Variants in DYNC1I1 observed in about 807,000 individuals in gnomAD.
DYNC1I1 encodes cytoplasmic dynein 1 intermediate chain 1.
In DYNC1I1, 43 loss-of-function variants were observed where a neutral mutation model predicts 86.6. That is an observed-to-expected ratio of 0.50 (90% CI 0.39 to 0.64). DYNC1I1 has a LOEUF of 0.64. Ranked by LOEUF, DYNC1I1 falls within the 30% of genes least tolerant of loss-of-function variation. The pLI is 0.00. For missense variants in DYNC1I1, 604 were observed against 788.8 expected (o/e 0.77, Z 2.81); for synonymous variants, 262 against 283.7 (o/e 0.92, Z 0.77).
intron 6 of DYNC1I1, among the ~76,000 whole-genome samples, chr7:95,875,787 T>A (rs1790294404): frequency 6.6e-6 from 1 of 152,170 alleles, no homozygotes; most frequent in Admixed American, 6.5e-5. Flanking sequence ...ACTTGTGATT[T>A]GTTCTTTTGG....
intron 16 of DYNC1I1, among the ~76,000 whole-genome samples, chr7:96,103,463 C>A (rs1025883141): frequency 3.3e-5 from 5 of 152,176 alleles, no homozygotes; most frequent in Admixed American, 2.0e-4. Context: ...CTCCCTGTGT[C>A]CACCTTTGAC....
rs527703605 is a variant in DYNC1I1, at chr7:95,981,633, A to C, written c.581-3182A>C. On this transcript the variant is annotated intron_variant, in intron 7 of 16. Coordinates refer to ENST00000447467, the MANE Select transcript of DYNC1I1 (RefSeq NM_001135556.2). ...TTCTACTTTTCATAGTGTAGAATCT[A>C]CTTCTTCTTAAAGAGCTCTTTAAAT... 3.9e-5 allele frequency among the ~76,000 whole-genome samples: 6 copies of C among 152,238 alleles called. No homozygotes were observed. The South Asian group carries it at 1.2e-3, about 32-fold the overall frequency.
chr7:95,875,157 G>A (rs1211296753), intron 6 of DYNC1I1, among the ~76,000 whole-genome samples: 2 of 152,170 alleles, frequency 1.3e-5, no homozygotes, highest in African/African-American at 2.4e-5. Flanking sequence ...AATGTTTGGG[G>A]ATGCTATGAC....
chr7:95,785,908 A>G (rs967599175), intron 1 of DYNC1I1, among the ~76,000 whole-genome samples: 3 of 150,556 alleles, frequency 2.0e-5, no homozygotes, highest in East Asian at 2.0e-4. Flanking sequence ...CAAAGAATGT[A>G]TGTATTGCAA....
intron 16 of DYNC1I1, among the ~76,000 whole-genome samples, chr7:96,107,758 C>G (rs1205720864): frequency 2.0e-5 from 3 of 151,806 alleles, no homozygotes; most frequent in African/African-American, 7.3e-5. Flanking sequence ...GAACTCCTGA[C>G]CTCGTGATCC....
chr7:95,791,451 A>T (rs1000597864), intron 1 of DYNC1I1, among the ~76,000 whole-genome samples: 3 of 152,210 alleles, frequency 2.0e-5, no homozygotes, highest in Non-Finnish European at 4.4e-5. Context: ...TATTTTAAAG[A>T]TCAGTCTGCC....
intron 13 of DYNC1I1, among the ~76,000 whole-genome samples, chr7:96,038,049 A>T (rs888909895): frequency 1.3e-5 from 2 of 152,190 alleles, no homozygotes; most frequent in East Asian, 3.9e-4. Flanking sequence ...ACCAGGGGCC[A>T]CTTCAAAGAT....
intron 6 of DYNC1I1, among the ~76,000 whole-genome samples, chr7:95,955,252 ACT>A (rs1318374302): frequency 3.3e-5 from 5 of 152,076 alleles, no homozygotes; most frequent in Non-Finnish European, 7.4e-5. Flanking sequence ...AAAAATACAC[ACT>A]TTGTCATTTT....
At chr7:95,841,736 T>C (rs1789288116) in intron 5 of DYNC1I1, among the ~76,000 whole-genome samples, 1 of 152,224 alleles carries the variant, frequency 6.6e-6, no homozygotes, top group East Asian at 1.9e-4. Flanking sequence ...AGTAATTGCC[T>C]GCCCTGTTGA....
chr7:95,936,278 G>A (rs1304809247), intron 6 of DYNC1I1, among the ~76,000 whole-genome samples: 1 of 151,966 alleles, frequency 6.6e-6, no homozygotes, highest in Non-Finnish European at 1.5e-5. Context: ...GAAAATAATT[G>A]GGAAAACTAA....
chr7:95,966,789 A>G (rs977442802), intron 6 of DYNC1I1, among the ~76,000 whole-genome samples: 16 of 152,220 alleles, frequency 1.1e-4, no homozygotes, highest in Admixed American at 6.5e-5. Flanking sequence ...ACATCTTACC[A>G]CACAATATGT....
chr7:96,003,729 G>T (rs1794073013), intron 10 of DYNC1I1, among the ~76,000 whole-genome samples: 2 of 152,130 alleles, frequency 1.3e-5, no homozygotes, highest in African/African-American at 4.8e-5. Flanking sequence ...CCCCAGGCCA[G>T]ATGAGTCCCC....
chr7:95,951,580 T>C (rs1379786476), intron 6 of DYNC1I1, among the ~76,000 whole-genome samples: 1 of 152,224 alleles, frequency 6.6e-6, no homozygotes, highest in Non-Finnish European at 1.5e-5. Context: ...CTATTACAGA[T>C]TAAGATTAAA....
chr7:96,075,782 G>A (rs902527650), intron 14 of DYNC1I1, among the ~76,000 whole-genome samples: 1 of 152,158 alleles, frequency 6.6e-6, no homozygotes, highest in African/African-American at 2.4e-5. Context: ...CGGTCCACCT[G>A]TCTGGAATGT....
intron 5 of DYNC1I1, among the ~76,000 whole-genome samples, chr7:95,844,689 G>T (rs1316057831): frequency 1.3e-5 from 2 of 152,170 alleles, no homozygotes; most frequent in East Asian, 1.9e-4. Context: ...CTGTTTTCTG[G>T]GTGGGGGCCC....
chr7:95,997,525 A>G (rs1793895841), intron 10 of DYNC1I1, among the ~76,000 whole-genome samples: 1 of 151,518 alleles, frequency 6.6e-6, no homozygotes, highest in African/African-American at 2.4e-5. Context: ...TCAACTGTAA[A>G]TTACTTGTTT....
intron 16 of DYNC1I1, among the ~76,000 whole-genome samples, chr7:96,086,859 A>G (rs879779442): frequency 6.6e-6 from 1 of 152,224 alleles, no homozygotes; most frequent in Non-Finnish European, 1.5e-5. Flanking sequence ...AATGGCCTAC[A>G]CAATATATTT....
Position 95,813,389 on chromosome 7 carries a change from A to AAC in DYNC1I1, c.314+53_314+54insCA, listed in dbSNP as rs1794876658. 8 of 1,567,422 alleles carry AAC rather than the reference A, an allele frequency of 5.1e-6. No individual in the cohort carries two copies. In the Admixed American group the frequency reaches 1.3e-4, roughly 25 times the overall value. On this transcript the variant is annotated intron_variant, in intron 4 of 16. Coordinates refer to ENST00000447467, the MANE Select transcript of DYNC1I1 (RefSeq NM_001135556.2). ...TGATGGGTGTCAATTAAAAAAAAAAAAAAACAGCAACAACACCACTGTTAG... is the reference window on the plus strand; with the variant it reads ...TGATGGGTGTCAATTAAAAAAAAAAAACAAAACAGCAACAACACCACTGTTAG...
rs1464211700 is a variant in DYNC1I1, at chr7:95,804,792, A to G, written c.63A>G (p.Ile21Met). 1 of 1,584,234 alleles carries G rather than the reference A, an allele frequency of 6.3e-7. No individual in the cohort carries two copies. The change falls in exon 2 of 17, where the codon ATA (isoleucine) becomes ATG (methionine). Residue 21 changes from isoleucine to methionine, a missense_variant. By Grantham distance (10) the Ile-to-Met change is conservative. Transcript: ENST00000447467. ...LERKKQRLAQIREEKKRKEEE... is the reference protein window; with the variant it reads ...LERKKQRLAQMREEKKRKEEE... The stretch of plus-strand genomic sequence containing the variant: ...GCAAAAAGCAGCGCTTAGCACAGAT[A>G]AGAGAAGAGAAGAAACGGAAGGAAG...
Sources: allele counts gnomAD v4.1 joint callset (sites outside exome capture counted in the v4.1 genomes callset), GRCh38; gene constraint gnomAD v4.1.1; transcripts MANE v1.5; gene names NCBI Gene and HGNC (gene_info 2026-07-23, HGNC 2026-07-21).